The following MFAP5 variants were observed in gnomAD, a reference collection of about 807,000 sequenced individuals.
MFAP5 encodes microfibrillar-associated protein 5.
In MFAP5, 19 loss-of-function variants were observed where a neutral mutation model predicts 30.1. The observed-to-expected ratio is 0.63, with a 90% CI of 0.44 to 0.93. The LOEUF is 0.93. Ranked by LOEUF, MFAP5 falls within the 40% of genes least tolerant of loss-of-function variation. MFAP5 has a pLI of 0.00. For synonymous variants in MFAP5, 92 were observed against 72.9 expected (o/e 1.26, Z -1.33); for missense variants, 210 against 221.3 (o/e 0.95, Z 0.32).
At chr12:8,660,950 G>T in intron 2 of MFAP5, 52 bp from the exon 3 acceptor site, 1 of 1,471,194 alleles carries the variant, frequency 6.8e-7, no homozygotes, top group Non-Finnish European at 9.4e-7. Flanking sequence ...TCTATACCTC[G>T]TAACCCTTTT....
At chr12:8,659,277 C>T (rs914005319) in intron 3 of MFAP5, among the ~76,000 whole-genome samples, 5 of 150,536 alleles carry the variant, frequency 3.3e-5, no homozygotes, top group African/African-American at 7.3e-5. Flanking sequence ...AATTGTACTA[C>T]AGCCTGGGTA....
Position 8,659,388 on chromosome 12 carries a change from C to A in MFAP5, c.94+1475G>T, listed in dbSNP as rs181878530. ...TCATGGCCTCAAGTGATCATCCCACCTCAACCTCCCAAAGTGCTTGGTATT... is the reference window on the plus strand; with the variant it reads ...TCATGGCCTCAAGTGATCATCCCACATCAACCTCCCAAAGTGCTTGGTATT... On this transcript the variant is annotated intron_variant, in intron 3 of 9. Coordinates refer to ENST00000359478, the MANE Select transcript of MFAP5 (RefSeq NM_003480.4). Among the ~76,000 whole-genome samples the A allele has an allele frequency of 9.7e-4, 148 of 152,220 alleles. 1 individual carries two copies. The highest frequency in any genetic ancestry group is 7.5e-3 in the East Asian group (39 of 5,188).
intron 9 of MFAP5, 198 bp from the exon 10 acceptor site, chr12:8,648,401 T>C: frequency 2.1e-6 from 2 of 939,884 alleles, no homozygotes; most frequent in Non-Finnish European, 3.0e-6. Flanking sequence ...TAAACCTCAC[T>C]ATCCCTTTCT....
intron 2 of MFAP5, 52 bp from the exon 3 acceptor site, chr12:8,660,950 G>A (rs755616488): frequency 4.1e-5 from 61 of 1,471,078 alleles, no homozygotes; most frequent in African/African-American, 9.8e-5. Context: ...TCTATACCTC[G>A]TAACCCTTTT....
intron 3 of MFAP5, among the ~76,000 whole-genome samples, chr12:8,656,339 C>T (rs909880461): frequency 3.3e-5 from 5 of 151,664 alleles, no homozygotes; most frequent in African/African-American, 1.2e-4. Flanking sequence ...TGAGCCACCG[C>T]GCCCAGCCCA....
chr12:8,661,019 C>G, intron 2 of MFAP5, 121 bp from the exon 3 acceptor site: 1 of 716,372 alleles, frequency 1.4e-6, no homozygotes, highest in Non-Finnish European at 2.3e-6. Context: ...TGACTTATTC[C>G]TATATAGCTC....
chr12:8,649,444 C>A, intron 9 of MFAP5, 57 bp downstream of exon 9: 1 of 1,492,198 alleles, frequency 6.7e-7, no homozygotes, highest in Non-Finnish European at 9.3e-7. Context: ...ATATCATGTC[C>A]CTATCTACCC....
In MFAP5 at chr12:8,649,483, A is replaced by G. The variant is rs778887600; in HGVS notation, c.409+18T>C. The G allele has an allele frequency of 8.1e-6, 13 of 1,609,842 alleles. No individual in the cohort carries two copies. In the African/African-American group the frequency reaches 1.5e-4, roughly 18 times the overall value. ...TCATAACTGCTTCTCTCCATTAAAC[A>G]TCCAGACATCATCTTACCTTTCATA... On this transcript the variant is annotated intron_variant, in intron 9 of 9. Transcript: ENST00000359478.
At position 8,648,059 on chromosome 12, in the gene MFAP5, T is replaced by C. The variant is rs764239157; in HGVS notation, c.*32A>G. 4.6e-6 allele frequency: 7 copies of C among 1,519,528 alleles called. No homozygotes were observed. The highest frequency in any genetic ancestry group is 6.4e-6 in the Non-Finnish European group (7 of 1,095,672). The allele number at this position is 1,519,528 out of a possible 1,614,324, so 94.1% of individuals were successfully genotyped here. Reference sequence around the variant, plus strand: ...AGGAGATCCTCCTTCCTCTCACCCATACATTTTTTCTTCTTTCCTCTTTTT... The same window carrying C: ...AGGAGATCCTCCTTCCTCTCACCCACACATTTTTTCTTCTTTCCTCTTTTT... On this transcript the variant is annotated 3_prime_UTR_variant, in exon 10 of 10. Coordinates refer to ENST00000359478, the MANE Select transcript of MFAP5 (RefSeq NM_003480.4).
rs573570738 is a variant in MFAP5 at position 8,651,099 on chromosome 12, G to T, written c.248-510C>A. ...GGAGAATCACTTCAACCTGGGAGGC[G>T]GAGGTTGCAGTGAGCCAAGATCACG... On this transcript the variant is annotated intron_variant, in intron 7 of 9. Transcript: ENST00000359478. Among the ~76,000 whole-genome samples the T allele has an allele frequency of 5.1e-4, 78 of 152,132 alleles. 1 individual carries two copies. In the East Asian group the frequency reaches 6.4e-3, roughly 12 times the overall value.
intron 3 of MFAP5, among the ~76,000 whole-genome samples, chr12:8,660,355 AT>A (rs1189291793): frequency 2.7e-4 from 40 of 146,050 alleles, no homozygotes; most frequent in East Asian, 4.0e-4. Context: ...TGCCAGGCTA[AT>A]TTTTTTTTTT....
chr12:8,656,664 A>ATTTT (rs1270184257), intron 3 of MFAP5, among the ~76,000 whole-genome samples: 4 of 126,810 alleles, frequency 3.2e-5, no homozygotes, highest in Non-Finnish European at 6.7e-5. Flanking sequence ...ATATATATAT[A>ATTTT]TATATTTTTT....
intron 1 of MFAP5, 85 bp from the exon 2 acceptor site, chr12:8,662,191 C>T (rs1942173986): frequency 2.6e-6 from 3 of 1,134,040 alleles, no homozygotes; most frequent in Admixed American, 2.2e-5. Flanking sequence ...CCTCTGAGGT[C>T]CCTGTCTCTT....
intron 6 of MFAP5, among the ~76,000 whole-genome samples, chr12:8,652,674 T>G (rs1039069787): frequency 6.6e-6 from 1 of 152,132 alleles, no homozygotes; most frequent in African/African-American, 2.4e-5. Flanking sequence ...TCTAGGCAGG[T>G]GTATATGCTG....
At chr12:8,651,193 A>G (rs908988366) in intron 7 of MFAP5, among the ~76,000 whole-genome samples, 4 of 152,188 alleles carry the variant, frequency 2.6e-5, no homozygotes, top group Non-Finnish European at 4.4e-5. Context: ...ATAAAACAAA[A>G]TAGTAAAATA....
rs375827838 is a variant in MFAP5 at position 8,648,044 on chromosome 12, C to T, written c.*47G>A. On this transcript the variant is annotated 3_prime_UTR_variant, in exon 10 of 10. Coordinates refer to ENST00000359478, the MANE Select transcript of MFAP5 (RefSeq NM_003480.4). ...AATGGTTGGAGAAGAAGGAGATCCT[C>T]CTTCCTCTCACCCATACATTTTTTC... 3.5e-6 allele frequency: 5 copies of T among 1,416,520 alleles called. No homozygotes were observed. The African/African-American group carries it at 7.1e-5, about 20-fold the overall frequency. The allele number at this position is 1,416,520 out of a possible 1,614,324, so 87.7% of individuals were successfully genotyped here. A position where few individuals can be genotyped will look rare whatever the true frequency, so the allele number is the denominator to read the frequency against.
intron 3 of MFAP5, among the ~76,000 whole-genome samples, 193 bp downstream of exon 3, chr12:8,660,670 T>TA (rs1942121993): frequency 6.6e-6 from 1 of 152,018 alleles, no homozygotes; most frequent in Non-Finnish European, 1.5e-5. Context: ...ATGAATGGGA[T>TA]AATAGGATTG....
At chr12:8,655,035 C>T (rs1941943814) in intron 5 of MFAP5, among the ~76,000 whole-genome samples, 1 of 152,042 alleles carries the variant, frequency 6.6e-6, no homozygotes, top group African/African-American at 2.4e-5. Context: ...GTGGCTCATG[C>T]CTGTAATCCC....
rs1017069248 is a variant in MFAP5, at chr12:8,662,611, T to C, written c.-3+16A>G. The C allele has an allele frequency of 6.3e-6, 1 of 158,000 alleles. No homozygotes were observed. Among genetic ancestry groups the C allele is most frequent in the African/African-American group, 2.4e-5 (1 of 41,456 alleles). The allele number at this position is 158,000 out of a possible 1,614,324, so 9.8% of individuals were successfully genotyped here. Reference sequence around the variant, plus strand: ...CCCTCTGTCTCTTTAGGGTTTCAGGTAATCAAATAACTCACTGTCTATGGT... The same window carrying C: ...CCCTCTGTCTCTTTAGGGTTTCAGGCAATCAAATAACTCACTGTCTATGGT... On this transcript the variant is annotated intron_variant, in intron 1 of 9. Coordinates refer to ENST00000359478, the MANE Select transcript of MFAP5 (RefSeq NM_003480.4).
Sources: gnomAD v4.1 joint callset for allele counts (sites outside exome capture counted in the v4.1 genomes callset) on GRCh38, gnomAD v4.1.1 for gene constraint, MANE v1.5 for transcripts, NCBI Gene and HGNC (gene_info 2026-07-23, HGNC 2026-07-21) for gene names.